Variants in DSCAML1 observed in about 807,000 individuals in gnomAD.
The protein encoded by DSCAML1 is DS cell adhesion molecule like 1.
DSCAML1 carries 38 observed loss-of-function variants against 200.5 expected under a neutral mutation model. The observed-to-expected ratio is 0.19, with a 90% CI of 0.15 to 0.25. DSCAML1 has a LOEUF of 0.25. DSCAML1 is among the 10% of genes least tolerant of loss of function. DSCAML1 has a pLI of 1.00. For missense variants in DSCAML1, 2,223 were observed against 2,858.8 expected (o/e 0.78, Z 5.07); for synonymous variants, 1,215 against 1,165.0 (o/e 1.04, Z -0.87).
At chr11:117,737,935 A>C (rs1390007015) in intron 3 of DSCAML1, among the ~76,000 whole-genome samples, 1 of 152,190 alleles carries the variant, frequency 6.6e-6, no homozygotes, top group Non-Finnish European at 1.5e-5. Context: ...GTGAGGAGTC[A>C]TGAAAGGTTT....
At chr11:117,563,521 G>C (rs568938244) in intron 3 of DSCAML1, among the ~76,000 whole-genome samples, 3 of 152,158 alleles carry the variant, frequency 2.0e-5, no homozygotes, top group African/African-American at 7.2e-5. Context: ...TGTAAAGGAA[G>C]CTCCGTGCCA....
At chr11:117,739,289 C>A (rs2054379369) in intron 3 of DSCAML1, among the ~76,000 whole-genome samples, 1 of 152,118 alleles carries the variant, frequency 6.6e-6, no homozygotes, top group African/African-American at 2.4e-5. Flanking sequence ...GAGGGCCTGG[C>A]CCAGTAGCAT....
At chr11:117,509,456 C>T (rs1246587988) in intron 8 of DSCAML1, among the ~76,000 whole-genome samples, 3 of 152,180 alleles carry the variant, frequency 2.0e-5, no homozygotes, top group Non-Finnish European at 4.4e-5. Context: ...ACCAGATGAC[C>T]TCCCAGAGGC....
intron 19 of DSCAML1, among the ~76,000 whole-genome samples, chr11:117,455,553 T>C (rs61905307): frequency 0.093 from 14,175 of 152,318 alleles, 918 homozygotes; most frequent in Non-Finnish European, 0.14. Flanking sequence ...CAAGCCAGCC[T>C]GAAACCACGC....
At chr11:117,514,066 A>T (rs1439739224) in intron 8 of DSCAML1, among the ~76,000 whole-genome samples, 2 of 152,156 alleles carry the variant, frequency 1.3e-5, no homozygotes, top group Admixed American at 6.5e-5. Flanking sequence ...CTTGCTGCCG[A>T]TAGTGTGTGT....
rs564816487 is a variant in DSCAML1 at position 117,740,824 on chromosome 11, C to T, written c.511+35967G>A. ...GGCCACAGATTTGTTGCTGCACACT[C>T]GCATCTCCAGAAGGAGTACAGCTGG... On this transcript the variant is annotated intron_variant, in intron 3 of 32. Transcript: ENST00000651296. Among the ~76,000 whole-genome samples the T allele has an allele frequency of 1.4e-4, 22 of 152,336 alleles. No individual in the cohort carries two copies. In the South Asian group the frequency reaches 2.3e-3, roughly 16 times the overall value.
chr11:117,558,161 T>C (rs999967300), intron 3 of DSCAML1, among the ~76,000 whole-genome samples: 1 of 151,910 alleles, frequency 6.6e-6, no homozygotes, highest in South Asian at 2.1e-4. Flanking sequence ...CCGGGTGCCA[T>C]AGAGGCAACA....
chr11:117,810,007 CCA>C (rs923480073), intron 1 of DSCAML1, among the ~76,000 whole-genome samples: 4 of 150,700 alleles, frequency 2.7e-5, no homozygotes, highest in African/African-American at 9.7e-5. Flanking sequence ...ACACACATTC[CCA>C]CACTCACACA....
rs1430974847 is a variant in DSCAML1 at position 117,780,215 on chromosome 11, G to A, written c.364+278C>T. 2.6e-3 allele frequency among the ~76,000 whole-genome samples: 138 copies of A among 52,378 alleles called. No individual in the cohort carries two copies. Among genetic ancestry groups the A allele is most frequent in the African/African-American group, 7.9e-3 (112 of 14,230 alleles). The allele number at this position is 52,378 out of a possible 152,430, so 34.4% of individuals were successfully genotyped here. A position where few individuals can be genotyped will look rare whatever the true frequency, so the allele number is the denominator to read the frequency against. ...AGAAAGAAAGAGAAAGAAAGAGAGA[G>A]AGAGAAAGAAAGAAAGGAAAGAAAG... On this transcript the variant is annotated intron_variant, in intron 2 of 32. Coordinates refer to ENST00000651296, the MANE Select transcript of DSCAML1 (RefSeq NM_020693.4). This position sits in a 1 kb window ranked among gnomAD's most constrained non-coding sequence, Gnocchi z 4.8.
At chr11:117,534,089 T>C (rs2050126975) in intron 3 of DSCAML1, among the ~76,000 whole-genome samples, 1 of 152,194 alleles carries the variant, frequency 6.6e-6, no homozygotes, top group Non-Finnish European at 1.5e-5. Context: ...TTTGGGCAGT[T>C]CCATGCCCTT....
At chr11:117,813,026 C>T (rs1250359899) in intron 1 of DSCAML1, among the ~76,000 whole-genome samples, 1 of 152,022 alleles carries the variant, frequency 6.6e-6, no homozygotes, top group Non-Finnish European at 1.5e-5. Flanking sequence ...TTAGCCTTCC[C>T]ACCTCTATAC....
At chr11:117,646,885 A>G (rs941183702) in intron 3 of DSCAML1, among the ~76,000 whole-genome samples, 1 of 152,038 alleles carries the variant, frequency 6.6e-6, no homozygotes, top group African/African-American at 2.4e-5. Context: ...AGAAACCAAC[A>G]TGGAGGAACC....
chr11:117,536,149 A>ATGTT (rs1264900844), intron 3 of DSCAML1, among the ~76,000 whole-genome samples: 3 of 152,132 alleles, frequency 2.0e-5, no homozygotes, highest in Non-Finnish European at 4.4e-5. Flanking sequence ...CAGGGGTATG[A>ATGTT]TGTTAGTCCC....
At chr11:117,704,202 G>A (rs1409302448) in intron 3 of DSCAML1, among the ~76,000 whole-genome samples, 1 of 151,622 alleles carries the variant, frequency 6.6e-6, no homozygotes, top group Non-Finnish European at 1.5e-5. Context: ...AGCCAACCAG[G>A]CAAGATAATA....
At chr11:117,517,370 G>A (rs888693230) in intron 7 of DSCAML1, among the ~76,000 whole-genome samples, 2 of 152,098 alleles carry the variant, frequency 1.3e-5, no homozygotes, top group African/African-American at 4.8e-5. Flanking sequence ...GCAATCTAGG[G>A]GATGGAAAGG....
At chr11:117,793,250 T>C (rs2055508490) in intron 1 of DSCAML1, among the ~76,000 whole-genome samples, 1 of 152,166 alleles carries the variant, frequency 6.6e-6, no homozygotes, top group Admixed American at 6.5e-5. Context: ...GGGTACCCGC[T>C]AGAATCGACT....
At chr11:117,496,119 A>C (rs549717074) in intron 11 of DSCAML1, among the ~76,000 whole-genome samples, 1 of 152,198 alleles carries the variant, frequency 6.6e-6, no homozygotes, top group South Asian at 2.1e-4. Flanking sequence ...ACGTCTGTCC[A>C]CCTTGGGTTT....
At chr11:117,454,763 A>G (rs2048342682) in intron 19 of DSCAML1, among the ~76,000 whole-genome samples, 1 of 152,228 alleles carries the variant, frequency 6.6e-6, no homozygotes, top group African/African-American at 2.4e-5. Context: ...TGCTTCTGAT[A>G]GGCACCTGCA....
At chr11:117,685,419 C>A (rs542404626) in intron 3 of DSCAML1, among the ~76,000 whole-genome samples, 1 of 152,268 alleles carries the variant, frequency 6.6e-6, no homozygotes, top group South Asian at 2.1e-4. Context: ...TAGCAGAAAA[C>A]AGGGTCAGGG....
Sources: gnomAD v4.1 joint callset for allele counts (sites outside exome capture counted in the v4.1 genomes callset) on GRCh38, gnomAD v4.1.1 for gene constraint, Gnocchi (gnomAD v3.1) non-coding constraint, MANE v1.5 for transcripts, NCBI Gene and HGNC (gene_info 2026-07-23, HGNC 2026-07-21) for gene names.